Variants in JCAD observed in about 807,000 individuals in gnomAD.
JCAD encodes the protein junctional cadherin 5-associated protein.
Under a neutral mutation model 98.0 loss-of-function variants are expected in JCAD, and 40 were observed. The observed-to-expected ratio is 0.41, with a 90% confidence interval of 0.32 to 0.53. JCAD has a LOEUF of 0.53. Ranked by LOEUF, JCAD falls within the 20% of genes least tolerant of loss-of-function variation. The pLI, the probability that JCAD is intolerant of heterozygous loss-of-function variation, is 0.31. For synonymous variants in JCAD, 691 were observed against 682.3 expected (o/e 1.01, Z -0.20); for missense variants, 1,705 against 1,738.1 (o/e 0.98, Z 0.34).
At chr10:30,035,689 CTAAT>C (rs1837092464) in intron 2 of JCAD, among the ~76,000 whole-genome samples, 1 of 152,162 alleles carries the variant, frequency 6.6e-6, no homozygotes, top group Non-Finnish European at 1.5e-5. Flanking sequence ...AAAAATGAAA[CTAAT>C]TATCTTACAT....
chr10:30,089,384 C>G (rs912612430), intron 1 of JCAD, among the ~76,000 whole-genome samples: 1 of 152,148 alleles, frequency 6.6e-6, no homozygotes, highest in East Asian at 1.9e-4. Context: ...AATTGAATAA[C>G]ACCTCTTCTC....
chr10:30,091,095 G>A (rs985670954), intron 1 of JCAD, among the ~76,000 whole-genome samples: 13 of 152,204 alleles, frequency 8.5e-5, no homozygotes, highest in Admixed American at 4.6e-4. Context: ...AAAGACAACC[G>A]ACTGGTACGT....
intron 1 of JCAD, 45 bp from the exon 2 acceptor site, chr10:30,047,916 A>C (rs1837387114): frequency 1.5e-6 from 2 of 1,295,722 alleles, no homozygotes; most frequent in East Asian, 2.3e-5. Context: ...GTCTCCCTAG[A>C]GGTCAGTCTG....
At chr10:30,029,961 C>T in intron 2 of JCAD, 95 bp from the exon 3 acceptor site, 1 of 1,376,860 alleles carries the variant, frequency 7.3e-7, no homozygotes. Flanking sequence ...AGGTCAGCAA[C>T]TTTGAAAACT....
chr10:30,073,732 T>G (rs1837935946), intron 1 of JCAD, among the ~76,000 whole-genome samples: 1 of 151,390 alleles, frequency 6.6e-6, no homozygotes, highest in African/African-American at 2.4e-5. Context: ...CTTCCTTCCT[T>G]CCCTCCCTCC....
At position 30,078,361 on chromosome 10, in the gene JCAD, G is replaced by C. The variant is rs569890642; in HGVS notation, n.129-8540C>G. On this transcript the variant is annotated intron_variant and non_coding_transcript_variant, in intron 1 of 2. Coordinates refer to the JCAD transcript ENST00000465712. ...AAGGCAAACAGCTGAATCAAGAAAG[G>C]CACTTTGCACTCTCTCTGGGGCAGG... Among the ~76,000 whole-genome samples, 5 of 152,258 alleles carry C rather than the reference G, an allele frequency of 3.3e-5. No individual in the cohort carries two copies. In the East Asian group the frequency reaches 9.6e-4, roughly 29 times the overall value.
chr10:30,089,673 C>A (rs1434435502), intron 1 of JCAD, among the ~76,000 whole-genome samples: 4 of 152,116 alleles, frequency 2.6e-5, no homozygotes, highest in African/African-American at 9.7e-5. Context: ...GGGTTACCAT[C>A]ACCATTCTTG....
At chr10:30,069,205 C>T (rs1243202365) in intron 2 of JCAD, among the ~76,000 whole-genome samples, 2 of 152,068 alleles carry the variant, frequency 1.3e-5, no homozygotes, top group African/African-American at 4.8e-5. Flanking sequence ...ATGGTCGCTT[C>T]GGCTCACATT....
chr10:30,035,935 C>A (rs1837100325), intron 2 of JCAD, among the ~76,000 whole-genome samples: 1 of 152,026 alleles, frequency 6.6e-6, no homozygotes, highest in African/African-American at 2.4e-5. Flanking sequence ...AGAGATGAGG[C>A]CAGCGAAACA....
Position 30,027,185 on chromosome 10 carries a change from A to C in JCAD, c.2963T>G (p.Leu988Arg). The change falls in exon 3 of 4, where the codon CTG becomes CGG. Residue 988 changes from leucine (L) to arginine (R), a missense_variant. Coordinates refer to ENST00000375377, the MANE Select transcript of JCAD (RefSeq NM_020848.4). ...AGGTTCAGCTGGATAGGACGCGGGC[A>C]GTGGTTTTGCGTCACTTGATCTTGA... The part of the protein sequence containing the change: ...MSSRSSDAKP[L>R]PASYPAEPRE... The C allele has an allele frequency of 6.2e-7, 1 of 1,614,188 alleles. No homozygotes were observed. Among genetic ancestry groups the C allele is most frequent in the Non-Finnish European group, 8.5e-7 (1 of 1,180,018 alleles).
chr10:30,049,278 C>T (rs1264144773), intron 1 of JCAD, among the ~76,000 whole-genome samples: 1 of 152,216 alleles, frequency 6.6e-6, no homozygotes, highest in South Asian at 2.1e-4. Context: ...TCCAACCCCA[C>T]TTCACTGGTG....
In JCAD at chr10:30,027,003, G is replaced by T; in HGVS notation, c.3145C>A (p.Arg1049=). The change falls in exon 3 of 4, where the codon CGG becomes AGG. Residue 1049 remains arginine, a synonymous_variant. Coordinates refer to ENST00000375377, the MANE Select transcript of JCAD (RefSeq NM_020848.4). ...TGCCCAGGGGTGAGCCCCACAGACC[G>T]TAAGTCTGGAGCTGAGAGCCCTCGG... ...KNRGLSAPDL[R]SVGLTPGQEQ... 1.9e-6 allele frequency: 3 copies of T among 1,614,188 alleles called. No individual in the cohort carries two copies. Among genetic ancestry groups the T allele is most frequent in the South Asian group, 2.2e-5 (2 of 91,082 alleles).
chr10:30,027,697 C>T lies in JCAD; in HGVS notation c.2451G>A (p.Gly817=), dbSNP rs538107303. The change falls in exon 3 of 4, where the codon GGG becomes GGA. Residue 817 remains glycine (G), a synonymous_variant. Transcript: ENST00000375377. ...TGPCNSKQLF[G]QFLLKPVSRR... The stretch of plus-strand genomic sequence containing the variant: ...GGCTGACCGGTTTCAGGAGAAACTG[C>T]CCAAAGAGTTGTTTACTGTTGCAAG... 50 of 1,614,248 alleles carry T rather than the reference C, an allele frequency of 3.1e-5. 3 individuals are homozygous for T. In the African/African-American group the frequency reaches 4.1e-4, roughly 13 times the overall value.
chr10:30,027,784 G>T lies in JCAD; in HGVS notation c.2364C>A (p.Val788=). Residue 788 remains valine, a synonymous_variant, in exon 3 of 4, where the codon GTC becomes GTA. Transcript: ENST00000375377. ...GCCCAGGGTGGGCTCCAAGCCCGTG[G>T]ACATCCACGCAGGGCTGACTTCGGC... is the stretch of plus-strand genomic sequence containing the variant. ...KAGRSQPCVD[V]HGLGAHPGPK... is the part of the protein sequence containing the mutation. 1 of 1,614,236 alleles carries T rather than the reference G, an allele frequency of 6.2e-7. No homozygotes were observed. The highest frequency in any genetic ancestry group is 1.3e-5 in the African/African-American group (1 of 75,076).
rs755202876 is a variant in JCAD at position 30,028,129 on chromosome 10, T to C, written c.2019A>G (p.Arg673=). 4 of 1,614,248 alleles carry C rather than the reference T, an allele frequency of 2.5e-6. No homozygotes were observed. Among genetic ancestry groups the C allele is most frequent in the Non-Finnish European group, 3.4e-6 (4 of 1,180,034 alleles). The change falls in exon 3 of 4, where the codon AGA becomes AGG. Residue 673 remains arginine (R), a synonymous_variant. Transcript: ENST00000375377. ...GCCAAGAGCCAGAATGCTTGAGTTC[T>C]CTGTGCTTTGTAAGGTGGATGAAAC... is the stretch of plus-strand genomic sequence containing the variant. The part of the protein sequence containing the change: ...DLSFIHLTKH[R]ELKHSGSWPG...
At chr10:30,022,383 G>C (rs1371161133) in intron 3 of JCAD, among the ~76,000 whole-genome samples, 1 of 148,912 alleles carries the variant, frequency 6.7e-6, no homozygotes, top group African/African-American at 2.5e-5. Flanking sequence ...GGTCATGGGG[G>C]CAGCAGTGCA....
At chr10:30,111,652 C>T (rs919505929) in intron 1 of JCAD, among the ~76,000 whole-genome samples, 2 of 151,928 alleles carry the variant, frequency 1.3e-5, no homozygotes, top group African/African-American at 4.8e-5. Flanking sequence ...AAAATAAAGC[C>T]AGATAAAGGA....
At chr10:30,091,079 T>G (rs1838254590) in intron 1 of JCAD, among the ~76,000 whole-genome samples, 1 of 152,208 alleles carries the variant, frequency 6.6e-6, no homozygotes, top group South Asian at 2.1e-4. Flanking sequence ...AACAACATGG[T>G]AACTTAAAGA....
intron 1 of JCAD, among the ~76,000 whole-genome samples, chr10:30,091,339 G>A (rs756217939): frequency 9.2e-5 from 14 of 152,296 alleles, no homozygotes; most frequent in African/African-American, 1.9e-4. Flanking sequence ...GATTTTTCTT[G>A]GAGGGGCGTA....
Sources: gnomAD v4.1 joint callset for allele counts (sites outside exome capture counted in the v4.1 genomes callset) on GRCh38, gnomAD v4.1.1 for gene constraint, MANE v1.5 for transcripts, NCBI Gene and HGNC (gene_info 2026-07-23, HGNC 2026-07-21) for gene names.